Variants in DTWD1 observed in about 807,000 individuals in gnomAD.
DTWD1 encodes tRNA-uridine aminocarboxypropyltransferase 1.
Under a neutral mutation model 30.2 loss-of-function variants are expected in DTWD1, and 27 were observed. The ratio of observed to expected loss-of-function variants is 0.90; its 90% confidence interval spans 0.66 to 1.23. DTWD1 has a LOEUF of 1.23. Ranked by LOEUF, DTWD1 falls within the 50% of genes most tolerant of loss-of-function variation. The pLI, the probability that DTWD1 is intolerant of heterozygous loss-of-function variation, is 0.00. For synonymous variants in DTWD1, 99 were observed against 113.1 expected, an observed-to-expected ratio of 0.88 and a Z score of 0.79; for missense variants, 342 against 348.8, an observed-to-expected ratio of 0.98 and a Z score of 0.15.
In DTWD1 at chr15:49,646,821, C is replaced by T. The variant is rs1828842140; in HGVS notation, c.*3243C>T. 2.0e-5 allele frequency: 3 copies of T among 152,336 alleles called. No individual in the cohort carries two copies. The highest frequency in any genetic ancestry group is 3.4e-3 in the Middle Eastern group (1 of 292). 9.4% of individuals were successfully genotyped at this position (152,336 alleles called of 1,614,324 possible). A position where few individuals can be genotyped will look rare whatever the true frequency, so the allele number is the denominator to read the frequency against. ...ATTTGCCTCCCATTATTGCCAGCCTCACTTCCTTTCTTCCTCGCTCTTACC... is the reference window on the plus strand; with the variant it reads ...ATTTGCCTCCCATTATTGCCAGCCTTACTTCCTTTCTTCCTCGCTCTTACC... On this transcript the variant is annotated 3_prime_UTR_variant, in exon 5 of 5. Coordinates refer to ENST00000403028, the MANE Select transcript of DTWD1 (RefSeq NM_001144955.2).
chr15:49,628,511 A>G (rs1330208470), intron 2 of DTWD1, among the ~76,000 whole-genome samples: 6 of 152,206 alleles, frequency 3.9e-5, no homozygotes, highest in African/African-American at 1.2e-4. Context: ...CAATGTTACA[A>G]TGGTTACACT....
chr15:49,639,714 G>A (rs867675688), intron 4 of DTWD1, among the ~76,000 whole-genome samples: 3 of 152,130 alleles, frequency 2.0e-5, no homozygotes, highest in Non-Finnish European at 2.9e-5. Flanking sequence ...AAAAGAGACT[G>A]GAGAAATTCA....
chr15:49,640,819 A>G (rs2079056879), intron 4 of DTWD1, among the ~76,000 whole-genome samples: 1 of 152,024 alleles, frequency 6.6e-6, no homozygotes, highest in Admixed American at 6.6e-5. Context: ...TAATGTTGCA[A>G]AATATCTTCT....
rs1466817249 is a variant in DTWD1 at position 49,645,208 on chromosome 15, G to A, written c.*1630G>A. Reference sequence around the variant, plus strand: ...AACATGCCATGGAAATAGGACGTTTGGAGTATTGTAATTAAGAACAATTCC... The same window carrying A: ...AACATGCCATGGAAATAGGACGTTTAGAGTATTGTAATTAAGAACAATTCC... On this transcript the variant is annotated 3_prime_UTR_variant, in exon 5 of 5. Coordinates refer to ENST00000403028, the MANE Select transcript of DTWD1 (RefSeq NM_001144955.2). 2 of 152,144 alleles carry A rather than the reference G, an allele frequency of 1.3e-5. No homozygotes were observed. Among genetic ancestry groups the A allele is most frequent in the Non-Finnish European group, 2.9e-5 (2 of 68,012 alleles). 9.4% of individuals were successfully genotyped at this position (152,144 alleles called of 1,614,324 possible).
intron 3 of DTWD1, 30 bp from the exon 4 acceptor site, chr15:49,634,506 A>T (rs1184810052): frequency 1.3e-6 from 2 of 1,569,542 alleles, no homozygotes; most frequent in Non-Finnish European, 1.7e-6. Context: ...TCATAGTAGC[A>T]CACTGCTAAC....
Position 49,648,686 on chromosome 15 carries a change from A to T in DTWD1, c.*5108A>T, listed in dbSNP as rs1198781724. On this transcript the variant is annotated 3_prime_UTR_variant, in exon 5 of 5. Coordinates refer to ENST00000403028, the MANE Select transcript of DTWD1 (RefSeq NM_001144955.2). The stretch of plus-strand genomic sequence containing the variant: ...TATTTTATATGTTATAGTGAATCAT[A>T]TTTATCTCATTATATATTACAGAAT... The T allele has an allele frequency of 6.6e-6, 1 of 152,162 alleles. No individual in the cohort carries two copies. The highest frequency in any genetic ancestry group is 2.4e-5 in the African/African-American group (1 of 41,430). The allele number at this position is 152,162 out of a possible 1,614,324, so 9.4% of individuals were successfully genotyped here. A position where few individuals can be genotyped will look rare whatever the true frequency, so the allele number is the denominator to read the frequency against.
intron 4 of DTWD1, among the ~76,000 whole-genome samples, 178 bp from the exon 5 acceptor site, chr15:49,643,153 G>A (rs970973444): frequency 2.0e-5 from 3 of 151,806 alleles, no homozygotes; most frequent in African/African-American, 7.3e-5. Context: ...TATACCTTGA[G>A]GTGTTTAAGA....
chr15:49,640,205 C>T (rs554184736), intron 4 of DTWD1, among the ~76,000 whole-genome samples: 1 of 152,000 alleles, frequency 6.6e-6, no homozygotes, highest in East Asian at 1.9e-4. Flanking sequence ...TTATTTTGAG[C>T]TGTGTGTTGT....
intron 4 of DTWD1, among the ~76,000 whole-genome samples, chr15:49,636,224 G>A (rs112854924): frequency 0.056 from 8,491 of 151,464 alleles, 606 homozygotes; most frequent in African/African-American, 0.16. Context: ...GTATGGATAT[G>A]CTACAATTAG....
rs953714752 is a variant in DTWD1 at position 49,655,438 on chromosome 15, ACT to A, written c.*11862_*11863del. ...CTACGTACCTCTATTTTTTTTTCATACTCCCGTGTTTTTTTTAGTCCATGCTG... is the reference window on the plus strand; with the variant it reads ...CTACGTACCTCTATTTTTTTTTCATACCCGTGTTTTTTTTAGTCCATGCTG... On this transcript the variant is annotated 3_prime_UTR_variant, in exon 5 of 5. Coordinates refer to ENST00000403028, the MANE Select transcript of DTWD1 (RefSeq NM_001144955.2). 6.6e-6 allele frequency: 1 copy of A among 151,762 alleles called. No individual in the cohort carries two copies. Among genetic ancestry groups the A allele is most frequent in the African/African-American group, 2.4e-5 (1 of 41,306 alleles). 9.4% of individuals were successfully genotyped at this position (151,762 alleles called of 1,614,324 possible).
Position 49,643,306 on chromosome 15 carries a change from C to CTTTTTTTTTTTTT in DTWD1, c.668-18_668-6dup, listed in dbSNP as rs5812490. 1.0e-4 allele frequency: 122 copies of CTTTTTTTTTTTTT among 1,201,868 alleles called. 1 individual carries two copies. Among genetic ancestry groups the CTTTTTTTTTTTTT allele is most frequent in the South Asian group, 5.3e-4 (25 of 47,228 alleles). The allele number at this position is 1,201,868 out of a possible 1,614,324, so 74.5% of individuals were successfully genotyped here. A position where few individuals can be genotyped will look rare whatever the true frequency, so the allele number is the denominator to read the frequency against. ...ATTTATATTTTTTCTTTCTTTCTTT[C>CTTTTTTTTTTTTT]TTTTTTTTTTTTTTTTTTTGACAGG... On this transcript the variant is annotated intron_variant, in intron 4 of 4. Coordinates refer to ENST00000403028, the MANE Select transcript of DTWD1 (RefSeq NM_001144955.2).
At chr15:49,642,605 A>C (rs1163319207) in intron 4 of DTWD1, among the ~76,000 whole-genome samples, 1 of 152,134 alleles carries the variant, frequency 6.6e-6, no homozygotes, top group Non-Finnish European at 1.5e-5. Flanking sequence ...AGTGAATTTC[A>C]GAATGATATT....
Position 49,628,158 on chromosome 15 carries a change from A to G in DTWD1, c.264+2727A>G, listed in dbSNP as rs1598644383. Among the ~76,000 whole-genome samples the G allele has an allele frequency of 2.0e-5, 3 of 152,158 alleles. 1 individual carries two copies. The highest frequency in any genetic ancestry group is 3.9e-4 in the East Asian group (2 of 5,184). ...AGGCTTACACAGTGTCAGGATCATC[A>G]GTATCACTGTCTTCTTCCACCTCCA... On this transcript the variant is annotated intron_variant, in intron 2 of 4. Transcript: ENST00000403028.
chr15:49,630,140 A>G (rs1190909404), intron 2 of DTWD1, among the ~76,000 whole-genome samples: 3 of 152,174 alleles, frequency 2.0e-5, no homozygotes, highest in African/African-American at 4.8e-5. Context: ...AGTACAAACT[A>G]TAGTGGCAGT....
intron 1 of DTWD1, chr15:49,623,724 AAG>A (rs1355367231): frequency 6.6e-6 from 1 of 152,170 alleles, no homozygotes; most frequent in Non-Finnish European, 1.5e-5. Context: ...GGCTCAAGAA[AAG>A]AGGGCATCTT....
chr15:49,640,302 T>G (rs1037397718), intron 4 of DTWD1, among the ~76,000 whole-genome samples: 9 of 152,128 alleles, frequency 5.9e-5, no homozygotes, highest in Admixed American at 6.6e-5. Flanking sequence ...TTTATTCTAT[T>G]TCACTGCTGA....
chr15:49,643,457 T>C lies in DTWD1; in HGVS notation c.794T>C (p.Ile265Thr), dbSNP rs1226844386. ...YYFLVDYHTDILKEKYRGQYD... is the reference protein window; with the variant it reads ...YYFLVDYHTDTLKEKYRGQYD... Reference sequence around the variant, plus strand: ...TTTCTGGTAGACTACCATACTGATATATTAAAAGAGAAATACAGAGGGCAA... The same window carrying C: ...TTTCTGGTAGACTACCATACTGATACATTAAAAGAGAAATACAGAGGGCAA... The change falls in exon 5 of 5, where the codon ATA becomes ACA. Residue 265 changes from isoleucine to threonine, a missense_variant. By Grantham distance (89) the Ile-to-Thr change is moderately conservative. Coordinates refer to ENST00000403028, the MANE Select transcript of DTWD1 (RefSeq NM_001144955.2). The C allele has an allele frequency of 1.9e-6, 3 of 1,610,230 alleles. No homozygotes were observed. Among genetic ancestry groups the C allele is most frequent in the Non-Finnish European group, 2.5e-6 (3 of 1,178,074 alleles).
At position 49,647,895 on chromosome 15, in the gene DTWD1, T is replaced by G. The variant is rs1395112910; in HGVS notation, c.*4317T>G. 20 of 151,940 alleles carry G rather than the reference T, an allele frequency of 1.3e-4. No individual in the cohort carries two copies. The highest frequency in any genetic ancestry group is 6.6e-5 in the Admixed American group (1 of 15,248). The allele number at this position is 151,940 out of a possible 1,614,324, so 9.4% of individuals were successfully genotyped here. ...AAAAGAACAAGCAATAAAAAAGATC[T>G]CAGAAATTTAAAAAGTGATTGCTGA... On this transcript the variant is annotated 3_prime_UTR_variant, in exon 5 of 5. Transcript: ENST00000403028.
intron 4 of DTWD1, among the ~76,000 whole-genome samples, chr15:49,635,817 C>CT (rs892609343): frequency 3.3e-5 from 5 of 152,022 alleles, no homozygotes. Context: ...TTAAAAATAA[C>CT]TTTTTTGAGT....
Sources: gnomAD v4.1 joint callset for allele counts (sites outside exome capture counted in the v4.1 genomes callset) on GRCh38, gnomAD v4.1.1 for gene constraint, MANE v1.5 for transcripts, NCBI Gene and HGNC (gene_info 2026-07-23, HGNC 2026-07-21) for gene names.